TTK: variants seen among roughly 807,000 people sequenced by gnomAD.
The protein encoded by TTK is dual specificity protein kinase TTK.
Under a neutral mutation model 117.3 loss-of-function variants are expected in TTK, and 59 were observed. The ratio of observed to expected loss-of-function variants is 0.50; its 90% CI spans 0.41 to 0.62. The LOEUF (loss-of-function observed/expected upper bound fraction) is 0.62. TTK is among the 20% of genes least tolerant of loss of function. The pLI, the probability that TTK is intolerant of heterozygous loss-of-function variation, is 0.00. For missense variants in TTK, 921 were observed against 989.4 expected, an observed-to-expected ratio of 0.93 and a Z score of 0.93; for synonymous variants, 302 against 325.0, an observed-to-expected ratio of 0.93 and a Z score of 0.76.
At chr6:80,021,541 C>CA (rs1767458713) in intron 10 of TTK, among the ~76,000 whole-genome samples, 1 of 152,156 alleles carries the variant, frequency 6.6e-6, no homozygotes, top group South Asian at 2.1e-4. Context: ...CAAATGCTAG[C>CA]AGCTGGGGAC....
chr6:80,004,714 G>GT lies in TTK; in HGVS notation c.-3+2dup, dbSNP rs1562008255. On this transcript the variant is annotated splice_donor_variant, in intron 1 of 21. Coordinates refer to ENST00000369798, the MANE Select transcript of TTK (RefSeq NM_003318.5). LOFTEE classifies it low-confidence loss of function (5UTR_SPLICE). Reference sequence around the variant, plus strand: ...ATTTCCCCAGCGCAGCTTTCTGTAGGTAAGTTCTGTCTTACCGGTGCACCG... The same window carrying GT: ...ATTTCCCCAGCGCAGCTTTCTGTAGGTTAAGTTCTGTCTTACCGGTGCACCG... The GT allele has an allele frequency of 6.6e-6, 1 of 152,192 alleles. No individual in the cohort carries two copies. The highest frequency in any genetic ancestry group is 1.5e-5 in the Non-Finnish European group (1 of 68,060). 9.4% of individuals were successfully genotyped at this position (152,192 alleles called of 1,614,324 possible).
At chr6:80,036,717 TC>T (rs1358965400) in intron 17 of TTK, 118 bp downstream of exon 17, 14 of 1,113,086 alleles carry the variant, frequency 1.3e-5, no homozygotes, top group Non-Finnish European at 1.5e-5. Flanking sequence ...GGATTTGAAG[TC>T]TTTTAATAAG....
Position 80,008,250 on chromosome 6 carries a change from A to G in TTK, c.363-136A>G. 4 of 1,036,734 alleles carry G rather than the reference A, an allele frequency of 3.9e-6. No homozygotes were observed. The South Asian group carries it at 6.7e-5, about 17-fold the overall frequency. 64.2% of individuals were successfully genotyped at this position (1,036,734 alleles called of 1,614,324 possible). The stretch of plus-strand genomic sequence containing the variant: ...AAACTGCCTAAAAAGATTTTTTTAA[A>G]ATAACTTATTAGTATTTAATTTTAC... On this transcript the variant is annotated intron_variant, in intron 3 of 21. Transcript: ENST00000369798.
rs1767486682 is a variant in TTK, at chr6:80,022,473, G to A, written c.1257+1G>A. On this transcript the variant is annotated splice_donor_variant, in intron 11 of 21. Coordinates refer to ENST00000369798, the MANE Select transcript of TTK (RefSeq NM_003318.5). LOFTEE classifies it high-confidence loss of function. ...GTTAGCCCGAAAAGTTAATACAGAG[G>A]TAACTTTTCCACTAAAGTACAATAT... is the stretch of plus-strand genomic sequence containing the variant. The A allele has an allele frequency of 6.2e-7, 1 of 1,611,664 alleles. No individual in the cohort carries two copies. The highest frequency in any genetic ancestry group is 1.7e-5 in the Admixed American group (1 of 59,588).
chr6:80,039,059 T>A (rs1767979084), intron 18 of TTK, among the ~76,000 whole-genome samples: 1 of 152,134 alleles, frequency 6.6e-6, no homozygotes. Flanking sequence ...AAAGGTAATA[T>A]TAATTTCATA....
In TTK at chr6:80,008,405, G is replaced by T; in HGVS notation, c.382G>T (p.Ala128Ser). The T allele has an allele frequency of 6.2e-7, 1 of 1,611,758 alleles. No individual in the cohort carries two copies. The highest frequency in any genetic ancestry group is 1.1e-5 in the South Asian group (1 of 90,656). ...TTACAGTATTCAAGAGCCAGATGAT[G>T]CACGTGACTACTTTCAAATGGCCAG... ...ELKAIQEPDD[A>S]RDYFQMARAN... Residue 128 changes from alanine (A) to serine (S), a missense_variant, in exon 4 of 22, where the codon GCA becomes TCA. By Grantham distance (99) the Ala-to-Ser change is moderately conservative. Transcript: ENST00000369798.
intron 14 of TTK, 40 bp downstream of exon 14, chr6:80,031,599 T>C (rs765465919): frequency 7.1e-7 from 1 of 1,412,690 alleles, no homozygotes; most frequent in South Asian, 1.5e-5. Flanking sequence ...ATAAAAATAT[T>C]TTAAACTTTC....
In TTK at chr6:80,035,384, A is replaced by G; in HGVS notation, c.1891A>G (p.Met631Val). ...PWERKSYWKN[M>V]LEAVHTIHQH... is the part of the protein sequence containing the mutation. ...GGAACGCAAGAGTTACTGGAAAAAT[A>G]TGTTAGAGGCAGTTCACACAATCCA... The change falls in exon 16 of 22, where the codon ATG becomes GTG. Residue 631 changes from methionine to valine, a missense_variant. Transcript: ENST00000369798. 1.2e-6 allele frequency: 2 copies of G among 1,610,964 alleles called. No individual in the cohort carries two copies. Among genetic ancestry groups the G allele is most frequent in the Non-Finnish European group, 1.7e-6 (2 of 1,178,794 alleles).
In TTK at chr6:80,028,047, G is replaced by A. The variant is rs181392621; in HGVS notation, c.1521+36G>A. ...CTTTATATATGATGGTATATGTTAAGATACAGTCCGTTTTACAGCTTTTAT... is the reference window on the plus strand; with the variant it reads ...CTTTATATATGATGGTATATGTTAAAATACAGTCCGTTTTACAGCTTTTAT... On this transcript the variant is annotated intron_variant, in intron 13 of 21. Transcript: ENST00000369798. 384 of 1,524,396 alleles carry A rather than the reference G, an allele frequency of 2.5e-4. 2 individuals are homozygous for A. The African/African-American group carries it at 5.0e-3, about 20-fold the overall frequency. 94.4% of individuals were successfully genotyped at this position (1,524,396 alleles called of 1,614,324 possible).
chr6:80,018,460 A>AG (rs1767369702), intron 10 of TTK, among the ~76,000 whole-genome samples: 1 of 87,462 alleles, frequency 1.1e-5, no homozygotes, highest in African/African-American at 5.0e-5. Flanking sequence ...TGCTAAAAAT[A>AG]CAAAAAAAAA....
At position 80,023,961 on chromosome 6, in the gene TTK, CCT is replaced by C. The variant is rs556924584; in HGVS notation, c.1257+1492_1257+1493del. On this transcript the variant is annotated intron_variant, in intron 11 of 21. Coordinates refer to ENST00000369798, the MANE Select transcript of TTK (RefSeq NM_003318.5). ...CATAGATTGTATCAAACCAGCATCT[CCT>C]CTTTTTTTTCTATTTGAAAATTGTA... Among the ~76,000 whole-genome samples the C allele has an allele frequency of 2.5e-3, 381 of 152,276 alleles. 3 individuals carry two copies. Among genetic ancestry groups the C allele is most frequent in the African/African-American group, 8.1e-3 (336 of 41,552 alleles).
At chr6:80,019,351 T>A (rs1230534455) in intron 10 of TTK, among the ~76,000 whole-genome samples, 1 of 152,222 alleles carries the variant, frequency 6.6e-6, no homozygotes, top group Admixed American at 6.5e-5. Context: ...AGTTGGAGAA[T>A]GCCCAGGCTC....
intron 11 of TTK, among the ~76,000 whole-genome samples, chr6:80,024,141 C>A (rs766839707): frequency 6.6e-6 from 1 of 152,024 alleles, no homozygotes; most frequent in African/African-American, 2.4e-5. Flanking sequence ...AATTTTAGAA[C>A]CTTCATATGC....
intron 10 of TTK, among the ~76,000 whole-genome samples, chr6:80,020,314 CT>C (rs34474819): frequency 6.6e-6 from 1 of 152,100 alleles, no homozygotes; most frequent in Non-Finnish European, 1.5e-5. Context: ...CTCTTTTATC[CT>C]TTTTTTCCCC....
At chr6:80,017,880 G>T (rs1198268221) in intron 10 of TTK, among the ~76,000 whole-genome samples, 1 of 152,068 alleles carries the variant, frequency 6.6e-6, no homozygotes. Context: ...GAGACCTAGT[G>T]TATCTTTTGC....
intron 14 of TTK, among the ~76,000 whole-genome samples, chr6:80,034,776 A>G (rs1340430930): frequency 2.0e-5 from 3 of 152,292 alleles, no homozygotes; most frequent in African/African-American, 7.2e-5. Context: ...TTGAATGCCC[A>G]TCATCATAGG....
intron 10 of TTK, among the ~76,000 whole-genome samples, chr6:80,021,391 G>A (rs1037967174): frequency 4.6e-5 from 7 of 152,150 alleles, no homozygotes; most frequent in African/African-American, 1.4e-4. Flanking sequence ...GAAACCAGGC[G>A]TACAGGCTGA....
chr6:80,013,323 C>T lies in TTK; in HGVS notation c.941C>T (p.Ser314Phe), dbSNP rs1276558518. The T allele has an allele frequency of 1.2e-6, 2 of 1,602,544 alleles. No individual in the cohort carries two copies. The highest frequency in any genetic ancestry group is 2.7e-5 in the African/African-American group (2 of 73,856). ...TGCCGAGATTTGGTTGTGCCTGGAT[C>T]TAAACCAAGTGGAAATGATTCCTGT... The part of the protein sequence containing the change: ...SECRDLVVPG[S>F]KPSGNDSCEL... Residue 314 changes from serine (S) to phenylalanine (F), a missense_variant, in exon 9 of 22, where the codon TCT (serine) becomes TTT (phenylalanine). By Grantham distance (155) the Ser-to-Phe change is radical. Coordinates refer to ENST00000369798, the MANE Select transcript of TTK (RefSeq NM_003318.5).
Position 80,022,410 on chromosome 6 carries a change from A to G in TTK, c.1195A>G (p.Asn399Asp). ...GAGAAAGTCAGAGTGTATTAACCAGAATCCTGCTGCATCTTCAAATCACTG... is the reference window on the plus strand; with the variant it reads ...GAGAAAGTCAGAGTGTATTAACCAGGATCCTGCTGCATCTTCAAATCACTG... ...SKRKSECINQNPAASSNHWQI... is the reference protein window; with the variant it reads ...SKRKSECINQDPAASSNHWQI... The change falls in exon 11 of 22, where the codon AAT (asparagine) becomes GAT (aspartate). Residue 399 changes from asparagine to aspartate, a missense_variant. By Grantham distance (23) the Asn-to-Asp change is conservative. Transcript: ENST00000369798. The G allele has an allele frequency of 6.2e-7, 1 of 1,614,062 alleles. No homozygotes were observed.
Sources: allele counts gnomAD v4.1 joint callset (sites outside exome capture counted in the v4.1 genomes callset), GRCh38; gene constraint gnomAD v4.1.1; transcripts MANE v1.5; gene names NCBI Gene and HGNC (gene_info 2026-07-23, HGNC 2026-07-21).